MBNL2: variants seen among roughly 807,000 people sequenced by gnomAD.
The protein encoded by MBNL2 is muscleblind-like protein 2.
MBNL2 carries 17 observed loss-of-function variants against 41.9 expected under a neutral mutation model. That is an observed-to-expected ratio of 0.41 (90% confidence interval 0.28 to 0.61). The LOEUF (loss-of-function observed/expected upper bound fraction) is 0.61. MBNL2 is among the 20% of genes least tolerant of loss of function. The pLI, the probability that MBNL2 is intolerant of heterozygous loss-of-function variation, is 0.35. For missense variants in MBNL2, 336 were observed against 505.6 expected (o/e 0.66, Z 3.22); for synonymous variants, 195 against 182.9 (o/e 1.07, Z -0.53).
At chr13:97,180,123 T>C in the MBNL2 span, among the ~76,000 whole-genome samples, 2 of 152,028 alleles carry the variant, frequency 1.3e-5, no homozygotes, top group Non-Finnish European at 2.9e-5. Context: ...AGAGATGCAA[T>C]TGAAACAGAG....
At chr13:97,297,595 C>T (rs1318187246) in intron 2 of MBNL2, among the ~76,000 whole-genome samples, 1 of 152,150 alleles carries the variant, frequency 6.6e-6, no homozygotes, top group Non-Finnish European at 1.5e-5. Flanking sequence ...CCCTTCATGT[C>T]TCCTGCTTCC....
At chr13:97,191,255 G>A in the MBNL2 span, among the ~76,000 whole-genome samples, 3 of 151,432 alleles carry the variant, frequency 2.0e-5, no homozygotes, top group African/African-American at 2.4e-5. Flanking sequence ...GTGCACTGGG[G>A]TGGAGCCACA....
At chr13:97,191,221 A>G in the MBNL2 span, among the ~76,000 whole-genome samples, 1 of 151,504 alleles carries the variant, frequency 6.6e-6, no homozygotes, top group African/African-American at 2.4e-5. Flanking sequence ...AAAAATTCCA[A>G]CCAGACTGCG....
intron 2 of MBNL2, among the ~76,000 whole-genome samples, chr13:97,296,581 TTCAGTGAATCA>T (rs1305641094): frequency 6.6e-6 from 1 of 152,198 alleles, no homozygotes; most frequent in Non-Finnish European, 1.5e-5. Flanking sequence ...TTCATGGCCC[TTCAGTGAATCA>T]TCATTAATAG....
intron 2 of MBNL2, among the ~76,000 whole-genome samples, chr13:97,315,489 T>C (rs1475378552): frequency 6.6e-6 from 1 of 152,192 alleles, no homozygotes; most frequent in Non-Finnish European, 1.5e-5. Context: ...ATATTGATAA[T>C]GGTTAATAGC....
chr13:97,153,726 G>T, the MBNL2 span, among the ~76,000 whole-genome samples: 1 of 152,130 alleles, frequency 6.6e-6, no homozygotes. Flanking sequence ...AAACCTTAAA[G>T]CACTGCACCC....
the MBNL2 span, among the ~76,000 whole-genome samples, chr13:97,193,139 G>A: frequency 5.9e-5 from 9 of 152,356 alleles, no homozygotes; most frequent in African/African-American, 2.2e-4. Context: ...CAGACTTAAT[G>A]TAGGTTGTCA....
chr13:97,176,016 C>T, the MBNL2 span, among the ~76,000 whole-genome samples: 1 of 152,148 alleles, frequency 6.6e-6, no homozygotes. Context: ...GGTGGCCAGC[C>T]GTCCCATCCC....
the MBNL2 span, among the ~76,000 whole-genome samples, chr13:97,206,034 A>AT: frequency 6.6e-6 from 1 of 152,178 alleles, no homozygotes; most frequent in South Asian, 2.1e-4. Flanking sequence ...GTTATTTTTG[A>AT]GATTATAGAT....
intron 1 of MBNL2, among the ~76,000 whole-genome samples, chr13:97,261,882 C>T (rs1397492450): frequency 6.6e-6 from 1 of 152,184 alleles, no homozygotes; most frequent in Admixed American, 6.5e-5. Context: ...TGAGGCTGGG[C>T]CTCCATGACA....
intron 2 of MBNL2, among the ~76,000 whole-genome samples, chr13:97,290,644 CCG>C (rs2055707993): frequency 1.2e-4 from 18 of 147,888 alleles, no homozygotes; most frequent in Non-Finnish European, 2.4e-4. Context: ...CCACTGCAGT[CCG>C]CAGTCTGGCC....
At chr13:97,188,061 T>G in the MBNL2 span, among the ~76,000 whole-genome samples, 1 of 152,176 alleles carries the variant, frequency 6.6e-6, no homozygotes, top group Non-Finnish European at 1.5e-5. Flanking sequence ...ACAAGGCTGT[T>G]TTAGGTTTCA....
At chr13:97,307,608 A>G (rs1566406874) in intron 2 of MBNL2, among the ~76,000 whole-genome samples, 1 of 152,232 alleles carries the variant, frequency 6.6e-6, no homozygotes, top group Non-Finnish European at 1.5e-5. Context: ...AATAAATTCA[A>G]AAGCTCCCTT....
intron 8 of MBNL2, among the ~76,000 whole-genome samples, chr13:97,379,101 A>G (rs1446401288): frequency 6.6e-6 from 1 of 152,218 alleles, no homozygotes; most frequent in Non-Finnish European, 1.5e-5. Flanking sequence ...GACTCCCCTT[A>G]AAAACTCCGA....
chr13:97,232,712 A>T (rs1158412270), intron 1 of MBNL2, among the ~76,000 whole-genome samples: 1 of 152,182 alleles, frequency 6.6e-6, no homozygotes, highest in Non-Finnish European at 1.5e-5. Flanking sequence ...AATTACTGGC[A>T]TACTGTGCAG....
chr13:97,163,003 C>T, the MBNL2 span, among the ~76,000 whole-genome samples: 147 of 152,184 alleles, frequency 9.7e-4, 1 homozygote, highest in African/African-American at 3.4e-3. Flanking sequence ...CTGAGATGCT[C>T]GAGAAAACCA....
chr13:97,304,940 T>C (rs1241770727), intron 2 of MBNL2, among the ~76,000 whole-genome samples: 1 of 152,244 alleles, frequency 6.6e-6, no homozygotes, highest in African/African-American at 2.4e-5. Context: ...CCTTTATACC[T>C]TAAGATCTGA....
intron 2 of MBNL2, among the ~76,000 whole-genome samples, chr13:97,319,434 G>A (rs1010535622): frequency 2.6e-5 from 4 of 152,122 alleles, no homozygotes; most frequent in Non-Finnish European, 5.9e-5. Flanking sequence ...CAGGGTGGTC[G>A]TGAGGGTGAT....
rs11841104 is a variant in MBNL2, at chr13:97,267,935, G to C, written c.-604-7697G>C. On this transcript the variant is annotated intron_variant, in intron 1 of 8. Transcript: ENST00000679496. ...CACACAGAAGGCAAGGAATGCTTCC[G>C]ACAGGGGTTTTCAAGCTTGAGCCTG... Among the ~76,000 whole-genome samples the C allele has an allele frequency of 2.2e-3, 340 of 152,134 alleles. 1 individual carries two copies. The highest frequency in any genetic ancestry group is 8.0e-3 in the African/African-American group (332 of 41,512).
Sources: gnomAD v4.1 joint callset for allele counts (sites outside exome capture counted in the v4.1 genomes callset) on GRCh38, gnomAD v4.1.1 for gene constraint, MANE v1.5 for transcripts, NCBI Gene and HGNC (gene_info 2026-07-23, HGNC 2026-07-21) for gene names.